Variants in PSMB7 observed in about 807,000 individuals in gnomAD.
PSMB7 encodes proteasome subunit beta type-7.
Under a neutral mutation model 28.1 loss-of-function variants are expected in PSMB7, and 5 were observed. The observed-to-expected ratio is 0.18, with a 90% confidence interval of 0.09 to 0.37. The LOEUF is 0.37. Among genes scored for constraint, PSMB7 ranks in the 10% least tolerant of loss-of-function variants. The pLI, the probability that PSMB7 is intolerant of heterozygous loss-of-function variation, is 1.00. For missense variants in PSMB7, 275 were observed against 346.2 expected, an observed-to-expected ratio of 0.79 and a Z score of 1.63; for synonymous variants, 122 against 123.7, an observed-to-expected ratio of 0.99 and a Z score of 0.09.
In PSMB7 at chr9:124,354,647, T is replaced by C. The variant is rs551503653; in HGVS notation, c.723-938A>G. 1.2e-3 allele frequency among the ~76,000 whole-genome samples: 176 copies of C among 152,270 alleles called. 4 individuals carry two copies. The highest frequency in any genetic ancestry group is 3.2e-3 in the African/African-American group (132 of 41,560). ...CGGTCAGCCCAGAGCGGCCTGCCTT[T>C]ATGCTGCCAAGCCTCCCCCGACCCC... On this transcript the variant is annotated intron_variant, in intron 7 of 7. Transcript: ENST00000259457.
intron 2 of PSMB7, among the ~76,000 whole-genome samples, chr9:124,414,312 T>C (rs989406019): frequency 6.6e-6 from 1 of 152,262 alleles, no homozygotes; most frequent in Admixed American, 6.5e-5. Context: ...GACTCAGGAA[T>C]CTTTCCATTA....
chr9:124,366,905 C>G (rs1830513851), intron 6 of PSMB7, among the ~76,000 whole-genome samples: 1 of 152,224 alleles, frequency 6.6e-6, no homozygotes, highest in Non-Finnish European at 1.5e-5. Context: ...GTGCAGAAGG[C>G]CAGACCATCT....
At chr9:124,369,413 T>C (rs1830539719) in intron 6 of PSMB7, among the ~76,000 whole-genome samples, 1 of 152,164 alleles carries the variant, frequency 6.6e-6, no homozygotes, top group Non-Finnish European at 1.5e-5. Flanking sequence ...CATCTCCCAA[T>C]TACACTGCAA....
intron 4 of PSMB7, among the ~76,000 whole-genome samples, chr9:124,406,521 G>C (rs1270567774): frequency 1.6e-5 from 2 of 124,668 alleles, no homozygotes; most frequent in South Asian, 5.1e-4. Context: ...AAAAAAAAAA[G>C]TATCAACCTC....
chr9:124,404,832 A>G (rs1298045962), intron 5 of PSMB7, among the ~76,000 whole-genome samples: 1 of 152,142 alleles, frequency 6.6e-6, no homozygotes, highest in African/African-American at 2.4e-5. Flanking sequence ...CAGCCTGGGC[A>G]ACAGAGCAAA....
At chr9:124,376,579 A>G (rs754723190) in intron 6 of PSMB7, among the ~76,000 whole-genome samples, 8 of 152,232 alleles carry the variant, frequency 5.3e-5, no homozygotes, top group Non-Finnish European at 1.2e-4. Context: ...CGTCTTCACA[A>G]GACCTCATCA....
At chr9:124,377,039 C>G (rs528811031) in intron 6 of PSMB7, among the ~76,000 whole-genome samples, 1 of 152,178 alleles carries the variant, frequency 6.6e-6, no homozygotes, top group Non-Finnish European at 1.5e-5. Flanking sequence ...ATTCACCAAG[C>G]CTGATGCCAG....
intron 6 of PSMB7, among the ~76,000 whole-genome samples, chr9:124,367,919 G>A (rs575642230): frequency 6.6e-6 from 1 of 152,334 alleles, no homozygotes; most frequent in South Asian, 2.1e-4. Context: ...ATAGGCAACT[G>A]ATACGAACTT....
At chr9:124,359,021 A>G (rs1238605205) in intron 6 of PSMB7, among the ~76,000 whole-genome samples, 2 of 152,250 alleles carry the variant, frequency 1.3e-5, no homozygotes, top group African/African-American at 2.4e-5. Flanking sequence ...TGACAGTGCT[A>G]TGTAAGATTA....
At chr9:124,399,866 C>T (rs555592847) in intron 5 of PSMB7, among the ~76,000 whole-genome samples, 53 of 152,302 alleles carry the variant, frequency 3.5e-4, no homozygotes, top group Non-Finnish European at 6.0e-4. Context: ...AGGCCTCTCA[C>T]GCCACTGCTC....
rs140828353 is a variant in PSMB7 at position 124,402,560 on chromosome 9, G to A, written c.511+2757C>T. Among the ~76,000 whole-genome samples the A allele has an allele frequency of 1.7e-3, 257 of 149,146 alleles. 1 individual carries two copies. Among genetic ancestry groups the A allele is most frequent in the African/African-American group, 6.0e-3 (239 of 40,152 alleles). On this transcript the variant is annotated intron_variant, in intron 5 of 7. Transcript: ENST00000259457. ...CCCTCAAATGGTTCCCCACGCACAC[G>A]AAACAATGATAGGAATAACAATGTG... is the stretch of plus-strand genomic sequence containing the variant.
At chr9:124,393,857 AG>A (rs1830816474) in intron 5 of PSMB7, among the ~76,000 whole-genome samples, 1 of 152,236 alleles carries the variant, frequency 6.6e-6, no homozygotes, top group Non-Finnish European at 1.5e-5. Flanking sequence ...CTTAAAACAT[AG>A]GTGTCACCTA....
chr9:124,355,544 A>G (rs193229338), intron 7 of PSMB7, among the ~76,000 whole-genome samples: 7 of 152,322 alleles, frequency 4.6e-5, no homozygotes, highest in Admixed American at 1.3e-4. Context: ...CGCATCTTGC[A>G]AAATAACCAG....
At chr9:124,397,776 C>T (rs1200857087) in intron 5 of PSMB7, among the ~76,000 whole-genome samples, 1 of 152,240 alleles carries the variant, frequency 6.6e-6, no homozygotes, top group Admixed American at 6.5e-5. Flanking sequence ...ACAGTGAATG[C>T]TAATGTTCCA....
chr9:124,382,072 A>G (rs1012036278), intron 6 of PSMB7, among the ~76,000 whole-genome samples: 2 of 151,818 alleles, frequency 1.3e-5, no homozygotes, highest in Non-Finnish European at 2.9e-5. Context: ...CCACCTGGGC[A>G]GCATGGTGAA....
chr9:124,359,613 C>T (rs1292291021), intron 6 of PSMB7, among the ~76,000 whole-genome samples: 1 of 152,216 alleles, frequency 6.6e-6, no homozygotes, highest in African/African-American at 2.4e-5. Flanking sequence ...AGTGACCTTC[C>T]TTGGGCCGGG....
rs933569842 is a variant in PSMB7 at position 124,357,000 on chromosome 9, G to A, written c.571-85C>T. The A allele has an allele frequency of 5.4e-5, 79 of 1,452,854 alleles. No homozygotes were observed. The highest frequency in any genetic ancestry group is 2.9e-4 in the Admixed American group (15 of 51,820). The allele number at this position is 1,452,854 out of a possible 1,614,324, so 90.0% of individuals were successfully genotyped here. ...CGCAATGTACGTCCACTAGCAGTGC[G>A]CAAGACCTCCCGCGAGACAGGTGTT... On this transcript the variant is annotated intron_variant, in intron 6 of 7. Coordinates refer to ENST00000259457, the MANE Select transcript of PSMB7 (RefSeq NM_002799.4). This position sits in a 1 kb window ranked among gnomAD's most constrained non-coding sequence, Gnocchi z 4.4.
chr9:124,385,713 C>A (rs1830711726), intron 5 of PSMB7, among the ~76,000 whole-genome samples: 1 of 152,116 alleles, frequency 6.6e-6, no homozygotes, highest in African/African-American at 2.4e-5. Context: ...ATCGCTTGAC[C>A]ACCTCAATGG....
chr9:124,359,977 G>C (rs915032215), intron 6 of PSMB7, among the ~76,000 whole-genome samples: 1 of 152,148 alleles, frequency 6.6e-6, no homozygotes, highest in South Asian at 2.1e-4. Context: ...AGGCTCTACT[G>C]TCCACCCACT....
Sources: gnomAD v4.1 joint callset for allele counts (sites outside exome capture counted in the v4.1 genomes callset) on GRCh38, gnomAD v4.1.1 for gene constraint, Gnocchi (gnomAD v3.1) non-coding constraint, MANE v1.5 for transcripts, NCBI Gene and HGNC (gene_info 2026-07-23, HGNC 2026-07-21) for gene names.